Variants in PEPD observed in about 807,000 individuals in gnomAD.
The protein encoded by PEPD is peptidase D, also known as xaa-Pro dipeptidase.
Under a neutral mutation model 60.7 loss-of-function variants are expected in PEPD, and 53 were observed. That is an observed-to-expected ratio of 0.87 (90% CI 0.70 to 1.10). The LOEUF (loss-of-function observed/expected upper bound fraction) is 1.10, where lower values mean the gene tolerates loss of function less well. Ranked by LOEUF, PEPD falls within the 50% of genes least tolerant of loss-of-function variation. The probability of loss-of-function intolerance (pLI) is 0.00; values close to 1 mark genes in which losing one functional copy is unlikely to be tolerated. For synonymous variants in PEPD, 267 were observed against 284.1 expected (o/e 0.94, Z 0.60); for missense variants, 711 against 711.9 (o/e 1.00, Z 0.01).
chr19:33,509,063 C>T (rs1224162197), intron 3 of PEPD, among the ~76,000 whole-genome samples: 1 of 152,248 alleles, frequency 6.6e-6, no homozygotes, highest in African/African-American at 2.4e-5. Context: ...ATTGCAGCTC[C>T]AGCAAGACCT....
intron 9 of PEPD, among the ~76,000 whole-genome samples, chr19:33,426,607 C>T (rs1050924637): frequency 2.6e-5 from 4 of 152,332 alleles, no homozygotes; most frequent in South Asian, 2.1e-4. Context: ...CAGCCACTCT[C>T]GGTACTGTGA....
chr19:33,454,920 A>G (rs1348154739), intron 9 of PEPD, among the ~76,000 whole-genome samples: 4 of 152,334 alleles, frequency 2.6e-5, no homozygotes, highest in East Asian at 3.9e-4. Flanking sequence ...CCAGTAACTC[A>G]TAACTCCTGT....
chr19:33,462,438 C>A (rs1050646407), intron 9 of PEPD, among the ~76,000 whole-genome samples: 1 of 152,204 alleles, frequency 6.6e-6, no homozygotes, highest in African/African-American at 2.4e-5. Flanking sequence ...GGTGGCAGCA[C>A]ACTGACTTCT....
At chr19:33,510,960 C>G in intron 3 of PEPD, 68 bp downstream of exon 3, 2 of 1,490,288 alleles carry the variant, frequency 1.3e-6, no homozygotes, top group Non-Finnish European at 1.8e-6. Flanking sequence ...GCTCTCTCAT[C>G]CCACCTCCCC....
chr19:33,430,467 C>CA (rs1346127998), intron 9 of PEPD, among the ~76,000 whole-genome samples: 1 of 152,114 alleles, frequency 6.6e-6, no homozygotes, highest in African/African-American at 2.4e-5. Flanking sequence ...ACTTCTGCTG[C>CA]AAAAACTCTG....
intron 4 of PEPD, among the ~76,000 whole-genome samples, chr19:33,498,059 T>C (rs1025636945): frequency 6.6e-6 from 1 of 151,922 alleles, no homozygotes; most frequent in Non-Finnish European, 1.5e-5. Flanking sequence ...TGCCCCGCTG[T>C]GTCCCTCCCG....
At chr19:33,401,331 C>T (rs1163078361) in intron 12 of PEPD, among the ~76,000 whole-genome samples, 2 of 152,248 alleles carry the variant, frequency 1.3e-5, no homozygotes, top group African/African-American at 2.4e-5. Flanking sequence ...GGTCACAGAG[C>T]GCTGAGCGGC....
chr19:33,431,885 C>T (rs771117931), intron 9 of PEPD, among the ~76,000 whole-genome samples: 1 of 149,220 alleles, frequency 6.7e-6, no homozygotes, highest in Admixed American at 6.7e-5. Flanking sequence ...TCCAGCTTCT[C>T]GGGAGGCTGA....
chr19:33,491,754 G>T (rs564919892), intron 5 of PEPD, among the ~76,000 whole-genome samples: 181 of 152,310 alleles, frequency 1.2e-3, no homozygotes, highest in Non-Finnish European at 2.2e-3. Context: ...GTAACTTGTG[G>T]AATGCTGAGA....
intron 9 of PEPD, among the ~76,000 whole-genome samples, chr19:33,444,112 C>G (rs1004595956): frequency 6.6e-6 from 1 of 152,068 alleles, no homozygotes; most frequent in African/African-American, 2.4e-5. Context: ...GCGGGTAGGG[C>G]GAGAAGAGTG....
At chr19:33,459,673 C>CT (rs10639577) in intron 9 of PEPD, among the ~76,000 whole-genome samples, 46,865 of 149,540 alleles carry the variant, frequency 0.31, 7,742 homozygotes, top group African/African-American at 0.42. Context: ...CGCTCGCTCA[C>CT]TTTTTTTTTT....
intron 11 of PEPD, among the ~76,000 whole-genome samples, 176 bp from the exon 12 acceptor site, chr19:33,402,045 G>A (rs1000911635): frequency 2.6e-5 from 4 of 152,146 alleles, no homozygotes; most frequent in African/African-American, 4.8e-5. Flanking sequence ...CGGGTGCGTG[G>A]GCAGCAAGGA....
chr19:33,496,949 C>A (rs3826904), intron 4 of PEPD, among the ~76,000 whole-genome samples: 5 of 152,190 alleles, frequency 3.3e-5, no homozygotes, highest in Non-Finnish European at 5.9e-5. Flanking sequence ...CCTTTGCCAG[C>A]GCTGGGAAAG....
intron 11 of PEPD, among the ~76,000 whole-genome samples, chr19:33,407,509 A>G (rs1393174712): frequency 1.3e-5 from 2 of 152,142 alleles, no homozygotes; most frequent in African/African-American, 4.8e-5. Flanking sequence ...TCGGGGCTGG[A>G]GTGAGTGGGG....
intron 14 of PEPD, 119 bp from the exon 15 acceptor site, chr19:33,387,600 G>T: frequency 7.4e-7 from 1 of 1,347,094 alleles, no homozygotes; most frequent in Non-Finnish European, 1.0e-6. Flanking sequence ...CTCCCTGGGA[G>T]ACGGGTGGCC....
intron 13 of PEPD, 111 bp downstream of exon 13, chr19:33,391,184 C>T: frequency 2.3e-6 from 2 of 887,492 alleles, no homozygotes; most frequent in Non-Finnish European, 1.8e-6. Flanking sequence ...GGGGCCCATC[C>T]CTGCCATCCC....
chr19:33,401,281 G>C (rs1288968541), intron 12 of PEPD, among the ~76,000 whole-genome samples: 1 of 152,220 alleles, frequency 6.6e-6, no homozygotes, highest in Non-Finnish European at 1.5e-5. Context: ...CCCATTTACA[G>C]ATGTGGAAAC....
At chr19:33,478,173 A>G (rs1970256881) in intron 6 of PEPD, 83 bp from the exon 7 acceptor site, 1 of 866,160 alleles carries the variant, frequency 1.2e-6, no homozygotes. Flanking sequence ...AGACATGCAC[A>G]CGTGATGCAT....
intron 7 of PEPD, among the ~76,000 whole-genome samples, chr19:33,473,384 C>T (rs1357403146): frequency 2.0e-5 from 3 of 152,050 alleles, no homozygotes; most frequent in South Asian, 4.1e-4. Flanking sequence ...GACACGTCTA[C>T]CTGTGAACCA....
Sources: gnomAD v4.1 joint callset for allele counts (sites outside exome capture counted in the v4.1 genomes callset) on GRCh38, gnomAD v4.1.1 for gene constraint, MANE v1.5 for transcripts, NCBI Gene and HGNC (gene_info 2026-07-23, HGNC 2026-07-21) for gene names.